Variants in ASIC2 observed in about 807,000 individuals in gnomAD.
ASIC2 encodes the protein acid sensing ion channel subunit 2, also known as acid-sensing ion channel 2.
Under a neutral mutation model 57.3 loss-of-function variants are expected in ASIC2, and 25 were observed. The ratio of observed to expected loss-of-function variants is 0.44; its 90% CI spans 0.32 to 0.61. The LOEUF (loss-of-function observed/expected upper bound fraction) is 0.61, where lower values mean the gene tolerates loss of function less well. Among genes scored for constraint, ASIC2 ranks in the 20% least tolerant of loss-of-function variants. The pLI is 0.06. For synonymous variants in ASIC2, 319 were observed against 307.5 expected, an observed-to-expected ratio of 1.04 and a Z score of -0.39; for missense variants, 641 against 738.1, an observed-to-expected ratio of 0.87 and a Z score of 1.52.
chr17:33,052,244 G>A (rs2091979604), intron 3 of ASIC2: 1 of 152,216 alleles, frequency 6.6e-6, no homozygotes, highest in African/African-American at 2.4e-5. Context: ...TAAAAGCTCA[G>A]TGACAGGTGA....
At chr17:33,780,814 C>A (rs892160578) in intron 1 of ASIC2, among the ~76,000 whole-genome samples, 2 of 152,186 alleles carry the variant, frequency 1.3e-5, no homozygotes, top group Admixed American at 1.3e-4. Context: ...CCAGGGTGGT[C>A]ATTGACTTAA....
At chr17:34,042,282 A>C (rs1021610578) in intron 1 of ASIC2, among the ~76,000 whole-genome samples, 10 of 152,226 alleles carry the variant, frequency 6.6e-5, no homozygotes, top group African/African-American at 2.4e-4. Flanking sequence ...GAATATTTAA[A>C]ACAGCTTTAT....
chr17:33,129,906 C>T (rs987400838), intron 1 of ASIC2, among the ~76,000 whole-genome samples: 10 of 152,276 alleles, frequency 6.6e-5, no homozygotes, highest in Middle Eastern at 3.4e-3. Context: ...TGCAAATGGT[C>T]GTGGTTTTCC....
At position 33,448,157 on chromosome 17, in the gene ASIC2, C is replaced by G. The variant is rs561374595; in HGVS notation, c.556-336090G>C. 3.3e-5 allele frequency among the ~76,000 whole-genome samples: 5 copies of G among 152,200 alleles called. No individual in the cohort carries two copies. In the East Asian group the frequency reaches 9.6e-4, roughly 29 times the overall value. ...AACCAGGCATTTGTCCTCTCTGACT[C>G]TTGCCTCCTACGTCTCTTTATGTTT... On this transcript the variant is annotated intron_variant, in intron 1 of 9. Transcript: ENST00000359872.
At position 34,095,635 on chromosome 17, in the gene ASIC2, ATATATATATATATATATATAATTT is replaced by A. The variant is rs1226622027; in HGVS notation, c.555+60319_555+60342del. ...TATATATATATATATATATAATTTT[ATATATATATATATATATATAATTT>A]TATATATATATAGAGAGAGAGATAT... On this transcript the variant is annotated intron_variant, in intron 1 of 9. Coordinates refer to the ASIC2 transcript ENST00000359872. 2.9e-3 allele frequency among the ~76,000 whole-genome samples: 285 copies of A among 97,978 alleles called. 3 individuals are homozygous for A. The highest frequency in any genetic ancestry group is 0.011 in the African/African-American group (259 of 23,936). 64.3% of individuals were successfully genotyped at this position (97,978 alleles called of 152,430 possible). A position where few individuals can be genotyped will look rare whatever the true frequency, so the allele number is the denominator to read the frequency against.
At chr17:33,309,331 C>T (rs1005046545) in intron 1 of ASIC2, among the ~76,000 whole-genome samples, 1 of 152,142 alleles carries the variant, frequency 6.6e-6, no homozygotes, top group African/African-American at 2.4e-5. Flanking sequence ...CTTTTAAAGA[C>T]AAAGATGAGA....
intron 9 of ASIC2, among the ~76,000 whole-genome samples, chr17:33,015,768 G>A (rs1310153965): frequency 2.6e-5 from 4 of 152,192 alleles, no homozygotes; most frequent in Admixed American, 6.5e-5. Flanking sequence ...TGCTGCATCC[G>A]TACTGGCTTC....
At chr17:34,058,325 C>A (rs1597998699) in intron 1 of ASIC2, among the ~76,000 whole-genome samples, 1 of 152,152 alleles carries the variant, frequency 6.6e-6, no homozygotes, top group South Asian at 2.1e-4. Flanking sequence ...TGGGTCATCT[C>A]ACCTTCCGAA....
chr17:33,478,268 C>T (rs1312573799), intron 1 of ASIC2, among the ~76,000 whole-genome samples: 1 of 152,230 alleles, frequency 6.6e-6, no homozygotes, highest in Non-Finnish European at 1.5e-5. Context: ...TAGGGGTAAA[C>T]TGTTCATGTG....
In ASIC2 at chr17:34,038,904, G is replaced by T; in HGVS notation, c.555+117074C>A. The stretch of plus-strand genomic sequence containing the variant: ...CTCTGTGAATTTATCCTTTCCTGTT[G>T]CTTGATAAGATTCTGAAAAGCATAA... On this transcript the variant is annotated intron_variant, in intron 1 of 9. Coordinates refer to the ASIC2 transcript ENST00000359872. 1.9e-6 allele frequency: 3 copies of T among 1,612,720 alleles called. No individual in the cohort carries two copies. The East Asian group carries it at 6.7e-5, about 36-fold the overall frequency.
At chr17:33,224,354 G>A (rs889643510) in intron 1 of ASIC2, among the ~76,000 whole-genome samples, 1 of 152,190 alleles carries the variant, frequency 6.6e-6, no homozygotes, top group African/African-American at 2.4e-5. Context: ...GAAAACTATG[G>A]TCTGGGCTAA....
chr17:33,428,475 T>A (rs1022126168), intron 1 of ASIC2, among the ~76,000 whole-genome samples: 1 of 152,196 alleles, frequency 6.6e-6, no homozygotes, highest in African/African-American at 2.4e-5. Flanking sequence ...TGAGTTCTAC[T>A]CTGGGATAAG....
rs35368768 is a variant in ASIC2 at position 33,667,033 on chromosome 17, CT to C, written c.555+488944del. On this transcript the variant is annotated intron_variant, in intron 1 of 9. Transcript: ENST00000359872. ...TTTTTATTTGCGGAATCTGGCACCC[CT>C]TGTTATGGCTTAAACAGGTGGACTA... Among the ~76,000 whole-genome samples the C allele has an allele frequency of 9.2e-3, 1,398 of 152,258 alleles. 18 individuals carry two copies. Among genetic ancestry groups the C allele is most frequent in the African/African-American group, 0.031 (1,292 of 41,534 alleles).
At chr17:33,785,485 T>C (rs1385326040) in intron 1 of ASIC2, among the ~76,000 whole-genome samples, 1 of 152,194 alleles carries the variant, frequency 6.6e-6, no homozygotes, top group African/African-American at 2.4e-5. Context: ...TCCCAAGTCA[T>C]GGCTGGAATG....
At chr17:33,215,033 G>A (rs924624767) in intron 1 of ASIC2, among the ~76,000 whole-genome samples, 4 of 152,160 alleles carry the variant, frequency 2.6e-5, no homozygotes, top group South Asian at 2.1e-4. Flanking sequence ...ACATGAAGAC[G>A]AAGCCCTGTC....
At chr17:33,088,778 G>A (rs540206519) in intron 3 of ASIC2, 85 bp downstream of exon 3, 1 of 1,461,194 alleles carries the variant, frequency 6.8e-7, no homozygotes, top group African/African-American at 1.4e-5. Flanking sequence ...TTGACCGAGT[G>A]GGAATTCCAT....
In ASIC2 at chr17:33,746,946, A is replaced by G. The variant is rs866364240; in HGVS notation, c.555+409032T>C. 3.3e-5 allele frequency among the ~76,000 whole-genome samples: 5 copies of G among 152,314 alleles called. No homozygotes were observed. In the Middle Eastern group the frequency reaches 0.014, roughly 414 times the overall value. Reference sequence around the variant, plus strand: ...TAAGCAATACTCTACTGAAAAATGAATGAATGAGAAAATAAATCACAAGGG... The same window carrying G: ...TAAGCAATACTCTACTGAAAAATGAGTGAATGAGAAAATAAATCACAAGGG... On this transcript the variant is annotated intron_variant, in intron 1 of 9. Coordinates refer to the ASIC2 transcript ENST00000359872.
At chr17:33,272,136 C>A (rs542110383) in intron 1 of ASIC2, among the ~76,000 whole-genome samples, 1 of 152,348 alleles carries the variant, frequency 6.6e-6, no homozygotes, top group African/African-American at 2.4e-5. Context: ...TCATGCAGGG[C>A]TTCCTGACTA....
chr17:33,891,666 G>A (rs557849794), intron 1 of ASIC2, among the ~76,000 whole-genome samples: 1 of 152,294 alleles, frequency 6.6e-6, no homozygotes, highest in East Asian at 1.9e-4. Flanking sequence ...AGGAAGCCCA[G>A]AGCCAAATTT....
Sources: gnomAD v4.1 joint callset for allele counts (sites outside exome capture counted in the v4.1 genomes callset) on GRCh38, gnomAD v4.1.1 for gene constraint, MANE v1.5 for transcripts, NCBI Gene and HGNC (gene_info 2026-07-23, HGNC 2026-07-21) for gene names.